Variants in OXR1 observed in about 807,000 individuals in gnomAD.
OXR1 encodes oxidation resistance 1, also known as oxidation resistance protein 1.
In OXR1, 41 loss-of-function variants were observed where a neutral mutation model predicts 104.6. The ratio of observed to expected loss-of-function variants is 0.39; its 90% confidence interval spans 0.31 to 0.51. The LOEUF (loss-of-function observed/expected upper bound fraction) is 0.51, where lower values mean the gene tolerates loss of function less well. Ranked by LOEUF, OXR1 falls within the 20% of genes least tolerant of loss-of-function variation. OXR1 has a pLI of 0.77. For missense variants in OXR1, 955 were observed against 1,031.9 expected (o/e 0.93, Z 1.02); for synonymous variants, 348 against 348.4 (o/e 1.00, Z 0.01).
intron 6 of OXR1, among the ~76,000 whole-genome samples, chr8:106,685,151 A>G (rs1288174249): frequency 6.6e-6 from 1 of 152,186 alleles, no homozygotes; most frequent in Non-Finnish European, 1.5e-5. Context: ...GGAATATATT[A>G]CATTTGTTGT....
At chr8:106,333,253 C>A (rs903684956) in intron 1 of OXR1, among the ~76,000 whole-genome samples, 21 of 152,076 alleles carry the variant, frequency 1.4e-4, no homozygotes, top group African/African-American at 5.1e-4. Context: ...ATTTTACATT[C>A]TCAGCAATAT....
intron 4 of OXR1, among the ~76,000 whole-genome samples, chr8:106,680,979 AT>A (rs1222975778): frequency 6.6e-6 from 1 of 152,136 alleles, no homozygotes; most frequent in Non-Finnish European, 1.5e-5. Flanking sequence ...CATTCAATCC[AT>A]GAATGTCTTC....
intron 15 of OXR1, among the ~76,000 whole-genome samples, chr8:106,744,632 T>C (rs1835223704): frequency 6.6e-6 from 1 of 152,224 alleles, no homozygotes; most frequent in South Asian, 2.1e-4. Context: ...GTGGCTTTAC[T>C]GTGGCTTGAC....
chr8:106,362,344 C>T (rs1466525617), intron 2 of OXR1, among the ~76,000 whole-genome samples: 4 of 152,056 alleles, frequency 2.6e-5, no homozygotes, highest in Non-Finnish European at 5.9e-5. Context: ...TTGTGACTCT[C>T]GTAGAAAACC....
chr8:106,487,339 C>CTT (rs71307062), intron 2 of OXR1, among the ~76,000 whole-genome samples: 11,926 of 129,098 alleles, frequency 0.092, 1,797 homozygotes, highest in African/African-American at 0.31. Flanking sequence ...CCAGGTATTT[C>CTT]TTTTTTTTTT....
intron 3 of OXR1, among the ~76,000 whole-genome samples, chr8:106,596,759 T>C (rs1819553716): frequency 6.6e-6 from 1 of 152,138 alleles, no homozygotes; most frequent in Non-Finnish European, 1.5e-5. Flanking sequence ...GGTAAAGAAC[T>C]AGTACGTGGA....
In OXR1 at chr8:106,551,308, T is replaced by G. The variant is rs1173662694; in HGVS notation, c.220+32169T>G. On this transcript the variant is annotated intron_variant, in intron 3 of 16. Coordinates refer to ENST00000517566, the MANE Select transcript of OXR1 (RefSeq NM_001198533.2). ...GCTGTGATTAGGGAATATTTCTTGT[T>G]GAAATGAGCAAAATTTGGTTGAAAC... Among the ~76,000 whole-genome samples, 3 of 152,212 alleles carry G rather than the reference T, an allele frequency of 2.0e-5. No homozygotes were observed. In the South Asian group the frequency reaches 6.2e-4, roughly 32 times the overall value.
At chr8:106,572,809 C>T (rs1370424759) in intron 3 of OXR1, among the ~76,000 whole-genome samples, 1 of 152,174 alleles carries the variant, frequency 6.6e-6, no homozygotes, top group Admixed American at 6.5e-5. Context: ...GTTCCAAAAC[C>T]ACTTCCACGT....
At chr8:106,493,595 GA>G (rs1404696648) in intron 2 of OXR1, among the ~76,000 whole-genome samples, 1 of 150,170 alleles carries the variant, frequency 6.7e-6, no homozygotes, top group East Asian at 1.9e-4. Context: ...TTCTCCATTT[GA>G]AAAAAATACG....
intron 2 of OXR1, among the ~76,000 whole-genome samples, chr8:106,418,866 A>C (rs1818789974): frequency 6.6e-6 from 1 of 152,186 alleles, no homozygotes; most frequent in African/African-American, 2.4e-5. Flanking sequence ...GTTATCTCTG[A>C]GTGATGAGAT....
At chr8:106,547,166 G>A (rs575148124) in intron 3 of OXR1, among the ~76,000 whole-genome samples, 1 of 152,290 alleles carries the variant, frequency 6.6e-6, no homozygotes, top group Admixed American at 6.5e-5. Flanking sequence ...TGGGATTACA[G>A]GCGTGAGCCA....
chr8:106,318,224 A>C (rs1415885345), intron 1 of OXR1, among the ~76,000 whole-genome samples: 1 of 152,162 alleles, frequency 6.6e-6, no homozygotes, highest in Non-Finnish European at 1.5e-5. Context: ...AAGAGCCAAA[A>C]GTTAGTGGTT....
chr8:106,556,119 A>G (rs1345160871), intron 3 of OXR1, among the ~76,000 whole-genome samples: 1 of 152,024 alleles, frequency 6.6e-6, no homozygotes. Context: ...GACAGAATGC[A>G]TATTGATGGT....
chr8:106,617,949 A>G, intron 3 of OXR1: 2 of 902,748 alleles, frequency 2.2e-6, no homozygotes, highest in Non-Finnish European at 2.7e-6. Context: ...CCACAGTCAC[A>G]GGGCAGGTAC....
intron 11 of OXR1, among the ~76,000 whole-genome samples, chr8:106,730,889 A>T (rs1366325646): frequency 2.0e-5 from 3 of 152,050 alleles, no homozygotes; most frequent in Non-Finnish European, 4.4e-5. Flanking sequence ...TTTAAAAAAA[A>T]AAAGAAAGAA....
chr8:106,338,659 G>C lies in OXR1; in HGVS notation c.-138-20817G>C, dbSNP rs572742454. Among the ~76,000 whole-genome samples, 10 of 151,940 alleles carry C rather than the reference G, an allele frequency of 6.6e-5. No individual in the cohort carries two copies. The South Asian group carries it at 2.1e-3, about 32-fold the overall frequency. On this transcript the variant is annotated intron_variant, in intron 1 of 16. Coordinates refer to ENST00000517566, the MANE Select transcript of OXR1 (RefSeq NM_001198533.2). ...CCACTGTTCTGCTATAGCCCAGTGG[G>C]AGCTCTCATTCTTTTTTATAAAACG...
chr8:106,575,715 GAGAA>G (rs1191074978), intron 3 of OXR1, among the ~76,000 whole-genome samples: 2 of 144,822 alleles, frequency 1.4e-5, no homozygotes, highest in Non-Finnish European at 1.5e-5. Context: ...AAAAAAAAAA[GAGAA>G]AGGGGCTTGA....
chr8:106,732,363 CT>C (rs1229015653), intron 11 of OXR1, among the ~76,000 whole-genome samples: 1 of 151,928 alleles, frequency 6.6e-6, no homozygotes, highest in Non-Finnish European at 1.5e-5. Context: ...CTTTAATTTT[CT>C]TTGAATTTAA....
chr8:106,568,554 T>C (rs1401135331), intron 3 of OXR1, among the ~76,000 whole-genome samples: 1 of 152,108 alleles, frequency 6.6e-6, no homozygotes, highest in Non-Finnish European at 1.5e-5. Flanking sequence ...GTAAAAAGAA[T>C]GATGGCAGCT....
Sources: gnomAD v4.1 joint callset for allele counts (sites outside exome capture counted in the v4.1 genomes callset) on GRCh38, gnomAD v4.1.1 for gene constraint, MANE v1.5 for transcripts, NCBI Gene and HGNC (gene_info 2026-07-23, HGNC 2026-07-21) for gene names.